The following RPTOR variants were observed in gnomAD, a reference collection of about 807,000 sequenced individuals.
RPTOR encodes regulatory associated protein of MTOR complex 1.
A neutral mutation model predicts 169.9 loss-of-function variants in RPTOR; 21 were observed. The observed-to-expected ratio is 0.12, with a 90% CI of 0.09 to 0.18. The LOEUF (loss-of-function observed/expected upper bound fraction) is 0.18. Ranked by LOEUF, RPTOR falls within the 10% of genes least tolerant of loss-of-function variation. The pLI is 1.00. For missense variants in RPTOR, 1,133 were observed against 1,855.9 expected (o/e 0.61, Z 7.16); for synonymous variants, 732 against 753.2 (o/e 0.97, Z 0.46).
chr17:80,869,033 C>T (rs1419264857), intron 13 of RPTOR, among the ~76,000 whole-genome samples: 3 of 152,176 alleles, frequency 2.0e-5, no homozygotes, highest in African/African-American at 4.8e-5. Context: ...TGTAGACGTA[C>T]GTCCAAAATC....
intron 5 of RPTOR, among the ~76,000 whole-genome samples, chr17:80,734,180 C>CT (rs71966206): frequency 4.6e-5 from 7 of 152,320 alleles, no homozygotes; most frequent in African/African-American, 1.7e-4. Flanking sequence ...GACATTTCCT[C>CT]TTTTCTTCTT....
chr17:80,752,524 T>C (rs1229768608), intron 5 of RPTOR, among the ~76,000 whole-genome samples: 1 of 152,272 alleles, frequency 6.6e-6, no homozygotes, highest in Non-Finnish European at 1.5e-5. Context: ...GTGTTATACT[T>C]ATTAAATTTT....
Position 80,880,433 on chromosome 17 carries a change from G to T in RPTOR, c.1528G>T (p.Val510Leu). ...TGTCCAGTCGTGCCAAGCGGACCTC[G>T]TGAAGGACAACGGCCACAAGTACTT... Reference protein sequence around the residue: ...AVDSSCQADLVKDNGHKYFLS... With the variant: ...AVDSSCQADLLKDNGHKYFLS... Residue 510 changes from valine (V) to leucine (L), a missense_variant, in exon 14 of 34, where the codon GTG becomes TTG. By Grantham distance (32) the Val-to-Leu change is conservative. Transcript: ENST00000306801. The T allele has an allele frequency of 6.2e-7, 1 of 1,613,744 alleles. No individual in the cohort carries two copies. The highest frequency in any genetic ancestry group is 8.5e-7 in the Non-Finnish European group (1 of 1,179,998).
At position 80,840,062 on chromosome 17, in the gene RPTOR, C is replaced by A. The variant is rs572969374; in HGVS notation, c.1212+2065C>A. On this transcript the variant is annotated intron_variant, in intron 10 of 33. Transcript: ENST00000306801. Reference sequence around the variant, plus strand: ...CTTACATATAGAAAAGTGTACACATCATACACATACAGCTTGGTGAATGTT... The same window carrying A: ...CTTACATATAGAAAAGTGTACACATAATACACATACAGCTTGGTGAATGTT... Among the ~76,000 whole-genome samples the A allele has an allele frequency of 1.4e-4, 22 of 152,300 alleles. No homozygotes were observed. In the South Asian group the frequency reaches 4.6e-3, roughly 32 times the overall value.
At position 80,940,616 on chromosome 17, in the gene RPTOR, A is replaced by T; in HGVS notation, c.3025+15A>T. On this transcript the variant is annotated intron_variant, in intron 25 of 33. Transcript: ENST00000306801. ...CATTCAGAAGGGTAAGGGCACCCGC[A>T]CAGCCAGCCAGGGGCTCATTCCGGG... is the stretch of plus-strand genomic sequence containing the variant. 6.3e-7 allele frequency: 1 copy of T among 1,594,386 alleles called. No individual in the cohort carries two copies.
intron 3 of RPTOR, among the ~76,000 whole-genome samples, chr17:80,696,712 C>T (rs1250836480): frequency 6.6e-6 from 1 of 152,230 alleles, no homozygotes; most frequent in African/African-American, 2.4e-5. Context: ...CCGCCGAACT[C>T]AGCCGTTTGC....
intron 7 of RPTOR, among the ~76,000 whole-genome samples, chr17:80,809,880 T>TA (rs1027905712): frequency 2.0e-5 from 3 of 151,856 alleles, no homozygotes; most frequent in Non-Finnish European, 2.9e-5. Context: ...CTAATAAAAA[T>TA]ACAAAAATTA....
chr17:80,621,989 GT>G (rs1276390082), intron 1 of RPTOR, among the ~76,000 whole-genome samples: 2 of 152,196 alleles, frequency 1.3e-5, no homozygotes, highest in African/African-American at 4.8e-5. Flanking sequence ...CGTTAATGCT[GT>G]TTCTTCCACG....
At chr17:80,663,834 TGTGTGC>T (rs1021192984) in intron 3 of RPTOR, among the ~76,000 whole-genome samples, 2 of 151,844 alleles carry the variant, frequency 1.3e-5, no homozygotes, top group African/African-American at 4.8e-5. Flanking sequence ...TGCGTGTGCG[TGTGTGC>T]AAGCAGGTGT....
intron 3 of RPTOR, among the ~76,000 whole-genome samples, chr17:80,650,019 G>GTT (rs1452411456): frequency 2.0e-5 from 3 of 152,240 alleles, no homozygotes; most frequent in Non-Finnish European, 4.4e-5. Flanking sequence ...GCATAAAGGT[G>GTT]TTGTCACCTA....
intron 25 of RPTOR, chr17:80,941,812 G>A (rs976396453): frequency 2.6e-5 from 4 of 152,284 alleles, no homozygotes; most frequent in African/African-American, 4.8e-5. Flanking sequence ...CGTCCTCAGC[G>A]AGCGTGCCTA....
At chr17:80,809,043 G>A (rs1598320675) in intron 7 of RPTOR, among the ~76,000 whole-genome samples, 1 of 152,206 alleles carries the variant, frequency 6.6e-6, no homozygotes, top group East Asian at 1.9e-4. Context: ...TGAATTGCTT[G>A]GTCATATGGT....
Position 80,949,426 on chromosome 17 carries a change from C to G in RPTOR, c.3266-17C>G. 6.2e-7 allele frequency: 1 copy of G among 1,605,542 alleles called. No homozygotes were observed. On this transcript the variant is annotated splice_polypyrimidine_tract_variant and intron_variant, in intron 27 of 33. Transcript: ENST00000306801. ...TCGAGGGGCCTGGTTCACATCCTTT[C>G]CTCTCTCCCTCCCCAGACGATGGTG...
intron 4 of RPTOR, among the ~76,000 whole-genome samples, chr17:80,709,599 C>T (rs956341577): frequency 1.3e-5 from 2 of 152,256 alleles, no homozygotes; most frequent in Non-Finnish European, 2.9e-5. Context: ...CCGCCCTTCT[C>T]AGTGCCTTCC....
intron 6 of RPTOR, among the ~76,000 whole-genome samples, chr17:80,770,596 G>A (rs924817158): frequency 5.3e-5 from 8 of 152,096 alleles, no homozygotes; most frequent in Admixed American, 3.3e-4. Context: ...CATTTCTAAT[G>A]GAGGACAACG....
intron 21 of RPTOR, among the ~76,000 whole-genome samples, chr17:80,914,624 G>A (rs1567984144): frequency 6.6e-6 from 1 of 152,250 alleles, no homozygotes; most frequent in African/African-American, 2.4e-5. Context: ...CCCAGGTGCT[G>A]TTGCAACCAG....
At chr17:80,680,053 A>AT (rs1248085411) in intron 3 of RPTOR, among the ~76,000 whole-genome samples, 1 of 137,328 alleles carries the variant, frequency 7.3e-6, no homozygotes, top group Non-Finnish European at 1.5e-5. Flanking sequence ...GGTCAGGGCC[A>AT]AGACCCCCAA....
intron 3 of RPTOR, among the ~76,000 whole-genome samples, chr17:80,669,673 G>A (rs919987132): frequency 1.3e-5 from 2 of 152,090 alleles, no homozygotes; most frequent in East Asian, 1.9e-4. Context: ...GTGCGCCACC[G>A]CGCCCGGCCC....
chr17:80,763,488 G>C lies in RPTOR; in HGVS notation c.830+9303G>C, dbSNP rs116044210. On this transcript the variant is annotated intron_variant, in intron 6 of 33. Transcript: ENST00000306801. ...TGTGTGCACCTGACAACGTGGCCTC[G>C]AACGAGATAAGATGGGAGCTGAAGT... Among the ~76,000 whole-genome samples the C allele has an allele frequency of 9.3e-3, 1,413 of 152,306 alleles. 20 individuals are homozygous for C. The highest frequency in any genetic ancestry group is 0.028 in the African/African-American group (1,184 of 41,548).
Sources: gnomAD v4.1 joint callset for allele counts (sites outside exome capture counted in the v4.1 genomes callset) on GRCh38, gnomAD v4.1.1 for gene constraint, MANE v1.5 for transcripts, NCBI Gene and HGNC (gene_info 2026-07-23, HGNC 2026-07-21) for gene names.